TGFBR2: variants seen among roughly 807,000 people sequenced by gnomAD.
TGFBR2 encodes the protein TGF-beta receptor type-2.
In TGFBR2, 18 loss-of-function variants were observed where a neutral mutation model predicts 49.0. That is an observed-to-expected ratio of 0.37 (90% CI 0.25 to 0.54). TGFBR2 has a LOEUF of 0.54. Ranked by LOEUF, TGFBR2 falls within the 20% of genes least tolerant of loss-of-function variation. The pLI, the probability that TGFBR2 is intolerant of heterozygous loss-of-function variation, is 0.85. For missense variants in TGFBR2, 525 were observed against 722.6 expected, an observed-to-expected ratio of 0.73 and a Z score of 3.13; for synonymous variants, 282 against 275.9, an observed-to-expected ratio of 1.02 and a Z score of -0.22.
At chr3:30,683,210 G>A (rs1699566218) in intron 5 of TGFBR2, among the ~76,000 whole-genome samples, 1 of 152,076 alleles carries the variant, frequency 6.6e-6, no homozygotes, top group Non-Finnish European at 1.5e-5. Context: ...CTTTTTTCCT[G>A]TGTCAAAATG....
intron 2 of TGFBR2, among the ~76,000 whole-genome samples, chr3:30,645,135 T>G (rs1155706): frequency 6.6e-6 from 1 of 151,586 alleles, no homozygotes; most frequent in East Asian, 1.9e-4. Context: ...GTATCATGAT[T>G]ATAAAATGAT....
At chr3:30,626,423 A>C (rs1007430898) in intron 1 of TGFBR2, 3 of 152,506 alleles carry the variant, frequency 2.0e-5, no homozygotes, top group Middle Eastern at 6.8e-3. Flanking sequence ...TAGTGGGGGG[A>C]ATGGATGATT....
intron 1 of TGFBR2, among the ~76,000 whole-genome samples, chr3:30,639,809 C>G (rs1033241657): frequency 6.6e-5 from 10 of 152,124 alleles, no homozygotes; most frequent in African/African-American, 2.4e-4. Flanking sequence ...CAATGATACA[C>G]GAATGCATGA....
At chr3:30,654,338 T>TAAAG (rs1463775025) in intron 3 of TGFBR2, among the ~76,000 whole-genome samples, 2 of 152,208 alleles carry the variant, frequency 1.3e-5, no homozygotes, top group Admixed American at 6.5e-5. Context: ...ATGAAAGAGT[T>TAAAG]AAAGAAACCT....
intron 1 of TGFBR2, among the ~76,000 whole-genome samples, chr3:30,644,013 A>G (rs1698686182): frequency 6.6e-6 from 1 of 152,164 alleles, no homozygotes; most frequent in Admixed American, 6.5e-5. Context: ...AGGTGGATTC[A>G]GCTTTTATTT....
chr3:30,677,695 C>T lies in TGFBR2; in HGVS notation c.1396+3449C>T, dbSNP rs571793740. Among the ~76,000 whole-genome samples, 8 of 152,312 alleles carry T rather than the reference C, an allele frequency of 5.3e-5. No homozygotes were observed. The South Asian group carries it at 1.2e-3, about 24-fold the overall frequency. On this transcript the variant is annotated intron_variant, in intron 5 of 6. Coordinates refer to ENST00000295754, the MANE Select transcript of TGFBR2 (RefSeq NM_003242.6). Reference sequence around the variant, plus strand: ...TTCAAAAGGTCCTTTGGAAAGTACACGAAGCCTGAAGACAGATGGATTCCC... The same window carrying T: ...TTCAAAAGGTCCTTTGGAAAGTACATGAAGCCTGAAGACAGATGGATTCCC...
intron 1 of TGFBR2, among the ~76,000 whole-genome samples, chr3:30,626,101 C>G (rs1380976002): frequency 1.3e-5 from 2 of 152,110 alleles, no homozygotes; most frequent in African/African-American, 4.8e-5. Flanking sequence ...TAAAAGATCC[C>G]CAGATGATTC....
intron 1 of TGFBR2, among the ~76,000 whole-genome samples, chr3:30,630,239 TAGATA>T (rs1415769640): frequency 6.6e-6 from 1 of 152,204 alleles, no homozygotes; most frequent in Non-Finnish European, 1.5e-5. Context: ...ATAGGTTTAA[TAGATA>T]AGATTCAGTG....
chr3:30,693,236 G>A lies in TGFBR2; in HGVS notation c.*1637G>A, dbSNP rs1032978663. 11 of 233,406 alleles carry A rather than the reference G, an allele frequency of 4.7e-5. No homozygotes were observed. Among genetic ancestry groups the A allele is most frequent in the Non-Finnish European group, 7.6e-5 (9 of 117,938 alleles). 14.5% of individuals were successfully genotyped at this position (233,406 alleles called of 1,614,324 possible). On this transcript the variant is annotated 3_prime_UTR_variant, in exon 7 of 7. Transcript: ENST00000295754. ...CCAAGAAGCTTTCCTCATGGTTACC[G>A]TTCTCTCCATCATGCCAGCCTTCTC... is the stretch of plus-strand genomic sequence containing the variant.
Position 30,606,891 on chromosome 3 carries a change from G to A in TGFBR2, c.8G>A (p.Arg3Gln), listed in dbSNP as rs780267559. 1.9e-6 allele frequency: 3 copies of A among 1,569,916 alleles called. No individual in the cohort carries two copies. Among genetic ancestry groups the A allele is most frequent in the Non-Finnish European group, 2.6e-6 (3 of 1,154,940 alleles). The change falls in exon 1 of 7, where the codon CGG becomes CAG. Residue 3 changes from arginine to glutamine, a missense_variant. Arg to Gln is a conservative substitution (Grantham distance 43, BLOSUM62 1). This residue lies in a region of TGFBR2 where 376 missense variants were observed against 478.2 expected (regional missense o/e 0.79). Coordinates refer to ENST00000295754, the MANE Select transcript of TGFBR2 (RefSeq NM_003242.6). ...CGAGCAGCGGGGTCTGCCATGGGTCGGGGGCTGCTCAGGGGCCTGTGGCCG... is the reference window on the plus strand; with the variant it reads ...CGAGCAGCGGGGTCTGCCATGGGTCAGGGGCTGCTCAGGGGCCTGTGGCCG... MGRGLLRGLWPLH... is the reference protein window; with the variant it reads MGQGLLRGLWPLH...
intron 1 of TGFBR2, among the ~76,000 whole-genome samples, chr3:30,641,854 G>A (rs1698651568): frequency 6.6e-6 from 1 of 151,840 alleles, no homozygotes; most frequent in Admixed American, 6.6e-5. Context: ...CAAATTGGTG[G>A]ACCTTCTCTC....
intron 5 of TGFBR2, among the ~76,000 whole-genome samples, chr3:30,678,473 G>A (rs540847755): frequency 3.3e-5 from 5 of 149,964 alleles, no homozygotes; most frequent in South Asian, 2.1e-4. Context: ...GTGTGAACCC[G>A]GGAGGCAGAG....
At chr3:30,658,872 G>A (rs1699057044) in intron 3 of TGFBR2, among the ~76,000 whole-genome samples, 1 of 152,124 alleles carries the variant, frequency 6.6e-6, no homozygotes, top group African/African-American at 2.4e-5. Context: ...TGTCCTTAAT[G>A]TCGTTGCTTT....
At chr3:30,633,855 T>C (rs1698481117) in intron 1 of TGFBR2, among the ~76,000 whole-genome samples, 2 of 152,250 alleles carry the variant, frequency 1.3e-5, no homozygotes, top group African/African-American at 4.8e-5. Flanking sequence ...GTACCCACTG[T>C]AGCAATTTCT....
intron 2 of TGFBR2, among the ~76,000 whole-genome samples, chr3:30,645,834 C>CTCTCTT (rs1698726430): frequency 6.6e-6 from 1 of 151,930 alleles, no homozygotes; most frequent in African/African-American, 2.4e-5. Flanking sequence ...CTCTCTCTCT[C>CTCTCTT]TCTCTCTCAT....
Position 30,672,226 on chromosome 3 carries a change from G to T in TGFBR2, c.1043G>T (p.Arg348Leu). 4 of 1,608,526 alleles carry T rather than the reference G, an allele frequency of 2.5e-6. No individual in the cohort carries two copies. The highest frequency in any genetic ancestry group is 3.4e-6 in the Non-Finnish European group (4 of 1,175,794). Residue 348 changes from arginine to leucine, a missense_variant, in exon 4 of 7, where the codon CGC becomes CTC. Arg to Leu is a moderately radical substitution (Grantham distance 102, BLOSUM62 -2). Around this residue, in one of 3 missense-constraint regions of TGFBR2, gnomAD observed 376 missense variants for 478.2 expected, o/e 0.79. Transcript: ENST00000295754. The surrounding 1 kb of genome is among the most constrained non-coding windows in gnomAD (Gnocchi z 4.5). ...CATGTCATCAGCTGGGAGGACCTGC[G>T]CAAGCTGGGCAGCTCCCTCGCCCGG... The part of the protein sequence containing the change: ...TRHVISWEDL[R>L]KLGSSLARGI...
Position 30,645,491 on chromosome 3 carries a change from C to CTTTTTTTTTTTTTTTT in TGFBR2, c.263+588_263+589insTTTTTTTTTTTTTTTT, listed in dbSNP as rs771983813. Among the ~76,000 whole-genome samples the CTTTTTTTTTTTTTTTT allele has an allele frequency of 2.2e-5, 3 of 136,320 alleles. 1 individual carries two copies. The highest frequency in any genetic ancestry group is 3.1e-5 in the Non-Finnish European group (2 of 64,016). 89.4% of individuals were successfully genotyped at this position (136,320 alleles called of 152,430 possible). On this transcript the variant is annotated intron_variant, in intron 2 of 6. Coordinates refer to ENST00000295754, the MANE Select transcript of TGFBR2 (RefSeq NM_003242.6). The stretch of plus-strand genomic sequence containing the variant: ...TCTCTCAGCTCAGAACTACATATTT[C>CTTTTTTTTTTTTTTTT]TTTTTTTTTTTTGAGATGGAGTCTT...
At chr3:30,668,731 T>C (rs1260361809) in intron 3 of TGFBR2, among the ~76,000 whole-genome samples, 2 of 152,166 alleles carry the variant, frequency 1.3e-5, no homozygotes, top group African/African-American at 4.8e-5. Flanking sequence ...TCACTTTCCC[T>C]ATACTTTTAA....
chr3:30,651,464 T>C (rs1217647062), intron 3 of TGFBR2, among the ~76,000 whole-genome samples: 2 of 152,226 alleles, frequency 1.3e-5, no homozygotes, highest in Non-Finnish European at 2.9e-5. Flanking sequence ...CTGATCATAC[T>C]ATAAATATTA....
Sources: gnomAD v4.1 joint callset for allele counts (sites outside exome capture counted in the v4.1 genomes callset) on GRCh38, gnomAD v4.1.1 for gene constraint, gnomAD v4.1.1 regional missense constraint, Gnocchi (gnomAD v3.1) non-coding constraint, MANE v1.5 for transcripts, NCBI Gene and HGNC (gene_info 2026-07-23, HGNC 2026-07-21) for gene names.